The following ERCC6L2 variants were observed in gnomAD, a reference collection of about 807,000 sequenced individuals.
The protein encoded by ERCC6L2 is ERCC excision repair 6 like 2.
In ERCC6L2, 77 loss-of-function variants were observed where a neutral mutation model predicts 132.0. The ratio of observed to expected loss-of-function variants is 0.58; its 90% CI spans 0.49 to 0.71. ERCC6L2 has a LOEUF of 0.71. Ranked by LOEUF, ERCC6L2 falls within the 30% of genes least tolerant of loss-of-function variation. ERCC6L2 has a pLI of 0.00. For synonymous variants in ERCC6L2, 583 were observed against 632.4 expected (o/e 0.92, Z 1.17); for missense variants, 1,542 against 1,837.6 (o/e 0.84, Z 2.94).
At position 95,907,090 on chromosome 9, in the gene ERCC6L2, G is replaced by A. The variant is rs544107263; in HGVS notation, c.607G>A (p.Val203Ile). 3 of 1,599,734 alleles carry A rather than the reference G, an allele frequency of 1.9e-6. No individual in the cohort carries two copies. The highest frequency in any genetic ancestry group is 1.8e-5 in the Admixed American group (1 of 55,498). The part of the protein sequence containing the change: ...SSTAKKMFLI[V>I]APLSVLYNWK... ...ATTCTTGTTTTAGATGTTCTTAATA[G>A]TTGCTCCTCTTTCTGTCCTCTACAA... The change falls in exon 4 of 19, where the codon GTT (valine) becomes ATT (isoleucine). Residue 203 changes from valine to isoleucine, a missense_variant. Coordinates refer to ENST00000653738, the MANE Select transcript of ERCC6L2 (RefSeq NM_020207.7).
intron 19 of ERCC6L2, among the ~76,000 whole-genome samples, chr9:96,032,013 G>A (rs566648640): frequency 1.5e-4 from 23 of 152,302 alleles, no homozygotes; most frequent in South Asian, 4.1e-4. Flanking sequence ...TGGGTGGCAC[G>A]TCATGAGTCA....
rs758117204 is a variant in ERCC6L2, at chr9:95,881,345, A to C, written c.471+52A>C. 3.8e-6 allele frequency: 5 copies of C among 1,331,138 alleles called. No homozygotes were observed. In the South Asian group the frequency reaches 8.5e-5, roughly 23 times the overall value. 82.5% of individuals were successfully genotyped at this position (1,331,138 alleles called of 1,614,324 possible). On this transcript the variant is annotated intron_variant, in intron 2 of 18. Transcript: ENST00000653738. ...GTCACTTTACTGTGTACATGAGTGGATACTATATGTAAATCTTTATTTGTA... is the reference window on the plus strand; with the variant it reads ...GTCACTTTACTGTGTACATGAGTGGCTACTATATGTAAATCTTTATTTGTA...
Position 96,012,303 on chromosome 9 carries a change from A to G in ERCC6L2, c.3753A>G (p.Thr1251=), listed in dbSNP as rs764927610. Residue 1251 remains threonine, a synonymous_variant, in exon 19 of 19, where the codon ACA becomes ACG. Coordinates refer to ENST00000653738, the MANE Select transcript of ERCC6L2 (RefSeq NM_020207.7). ...TTGCTAAACATATAACCAATGCCAC[A>G]TCAGAAGAACGACAGAAAATGCTAA... is the stretch of plus-strand genomic sequence containing the variant. ...NEFAKHITNA[T]SEERQKMLRD... 2.7e-5 allele frequency: 37 copies of G among 1,354,130 alleles called. No homozygotes were observed. Among genetic ancestry groups the G allele is most frequent in the Non-Finnish European group, 3.7e-5 (37 of 1,012,116 alleles). The allele number at this position is 1,354,130 out of a possible 1,614,324, so 83.9% of individuals were successfully genotyped here.
chr9:95,948,482 A>G (rs973030090), intron 12 of ERCC6L2, among the ~76,000 whole-genome samples: 5 of 152,288 alleles, frequency 3.3e-5, no homozygotes, highest in South Asian at 2.1e-4. Flanking sequence ...GTCAAACCCC[A>G]TCTCTACTAA....
At chr9:96,038,100 C>T (rs1399129096) in intron 19 of ERCC6L2, among the ~76,000 whole-genome samples, 3 of 151,882 alleles carry the variant, frequency 2.0e-5, no homozygotes, top group African/African-American at 4.8e-5. Flanking sequence ...GTCAGGAGAC[C>T]GTCCCTGAAG....
chr9:96,029,693 C>T (rs1308646611), intron 19 of ERCC6L2, among the ~76,000 whole-genome samples: 1 of 152,232 alleles, frequency 6.6e-6, no homozygotes, highest in Non-Finnish European at 1.5e-5. Flanking sequence ...CTGTTTGGTT[C>T]TCATATTTAT....
chr9:95,953,585 A>C (rs1032618566), intron 12 of ERCC6L2, among the ~76,000 whole-genome samples: 6 of 152,022 alleles, frequency 3.9e-5, no homozygotes, highest in Non-Finnish European at 2.9e-5. Context: ...AAAAAAAAAA[A>C]AAAACAATGA....
chr9:95,966,548 T>G lies in ERCC6L2; in HGVS notation c.1948-14T>G, dbSNP rs753400132. 1 of 1,448,360 alleles carries G rather than the reference T, an allele frequency of 6.9e-7. No homozygotes were observed. The highest frequency in any genetic ancestry group is 2.1e-5 in the Admixed American group (1 of 47,862). The allele number at this position is 1,448,360 out of a possible 1,614,324, so 89.7% of individuals were successfully genotyped here. A position where few individuals can be genotyped will look rare whatever the true frequency, so the allele number is the denominator to read the frequency against. On this transcript the variant is annotated splice_polypyrimidine_tract_variant and intron_variant, in intron 13 of 18. Coordinates refer to ENST00000653738, the MANE Select transcript of ERCC6L2 (RefSeq NM_020207.7). ...CAAACACTTCAAAAATGTCTTGTGTTTTTTCTGTTTTAGCAACTTCACTGT... is the reference window on the plus strand; with the variant it reads ...CAAACACTTCAAAAATGTCTTGTGTGTTTTCTGTTTTAGCAACTTCACTGT...
chr9:96,034,685 G>A (rs690286), intron 19 of ERCC6L2, among the ~76,000 whole-genome samples: 36,672 of 152,080 alleles, frequency 0.24, 5,360 homozygotes, highest in East Asian at 0.37. Flanking sequence ...TGGGAGCCCT[G>A]CCCCTTCTGA....
rs530355116 is a variant in ERCC6L2, at chr9:95,944,898, T to G, written c.1847+3349T>G. Among the ~76,000 whole-genome samples the G allele has an allele frequency of 2.6e-5, 4 of 152,084 alleles. No homozygotes were observed. In the South Asian group the frequency reaches 8.3e-4, roughly 32 times the overall value. ...CACAGAGATCACATCCTTCACAAGG[T>G]AATAAGATATCACAAGGCAAATGGA... On this transcript the variant is annotated intron_variant, in intron 12 of 18. Coordinates refer to ENST00000653738, the MANE Select transcript of ERCC6L2 (RefSeq NM_020207.7).
At chr9:95,976,338 G>C (rs1832670979) in intron 16 of ERCC6L2, among the ~76,000 whole-genome samples, 2 of 152,072 alleles carry the variant, frequency 1.3e-5, no homozygotes, top group African/African-American at 4.8e-5. Flanking sequence ...AGCCCTGGTG[G>C]GTCAGTTTGG....
At chr9:95,896,004 G>T (rs73534633) in intron 2 of ERCC6L2, among the ~76,000 whole-genome samples, 1 of 152,138 alleles carries the variant, frequency 6.6e-6, no homozygotes, top group African/African-American at 2.4e-5. Context: ...GGGATTACAG[G>T]CTGTCATAGC....
intron 18 of ERCC6L2, among the ~76,000 whole-genome samples, chr9:96,010,589 C>G (rs376726216): frequency 1.3e-5 from 2 of 152,138 alleles, no homozygotes; most frequent in South Asian, 2.1e-4. Context: ...TGCACCCTCT[C>G]CCCCTGGGAG....
Position 96,015,091 on chromosome 9 carries a change from T to G in ERCC6L2, c.*1888T>G, listed in dbSNP as rs995635460. On this transcript the variant is annotated 3_prime_UTR_variant, in exon 19 of 19. Transcript: ENST00000653738. Reference sequence around the variant, plus strand: ...AGGCTGGAGTACAGTGGCATGATCTTGGCTCACTGCAACCTCCACCTCCCT... The same window carrying G: ...AGGCTGGAGTACAGTGGCATGATCTGGGCTCACTGCAACCTCCACCTCCCT... Among the ~76,000 whole-genome samples the G allele has an allele frequency of 1.4e-5, 2 of 143,066 alleles. No homozygotes were observed. Among genetic ancestry groups the G allele is most frequent in the African/African-American group, 5.2e-5 (2 of 38,136 alleles). 93.9% of individuals were successfully genotyped at this position (143,066 alleles called of 152,430 possible).
At chr9:96,034,907 C>A (rs1478207556) in intron 19 of ERCC6L2, among the ~76,000 whole-genome samples, 2 of 150,396 alleles carry the variant, frequency 1.3e-5, no homozygotes, top group Admixed American at 1.3e-4. Flanking sequence ...CCTGGGCCAC[C>A]CACTCCATGG....
Position 95,875,846 on chromosome 9 carries a change from G to T in ERCC6L2, c.-193G>T. 1 of 597,746 alleles carries T rather than the reference G, an allele frequency of 1.7e-6. No homozygotes were observed. Among genetic ancestry groups the T allele is most frequent in the African/African-American group, 1.9e-5 (1 of 53,962 alleles). 37.0% of individuals were successfully genotyped at this position (597,746 alleles called of 1,614,324 possible). A position where few individuals can be genotyped will look rare whatever the true frequency, so the allele number is the denominator to read the frequency against. ...CGGACGTCGCCCTCCCGTTCTGCTT[G>T]GGTCCCCTTAGTCGCTACCTTTGCT... On this transcript the variant is annotated 5_prime_UTR_variant, in exon 1 of 19. Transcript: ENST00000653738.
At chr9:95,999,722 C>G (rs1833592839) in intron 17 of ERCC6L2, among the ~76,000 whole-genome samples, 1 of 151,700 alleles carries the variant, frequency 6.6e-6, no homozygotes, top group Non-Finnish European at 1.5e-5. Context: ...GCAATACCAT[C>G]TCATCTCATA....
intron 11 of ERCC6L2, among the ~76,000 whole-genome samples, chr9:95,936,870 TC>T (rs1421460398): frequency 1.3e-5 from 2 of 152,152 alleles, no homozygotes; most frequent in Non-Finnish European, 2.9e-5. Context: ...GTAAAGGGAG[TC>T]ATAAAGTATG....
At position 95,955,905 on chromosome 9, in the gene ERCC6L2, CT is replaced by C; in HGVS notation, c.1848-5del. On this transcript the variant is annotated splice_region_variant and splice_polypyrimidine_tract_variant and intron_variant, in intron 12 of 18. Coordinates refer to ENST00000653738, the MANE Select transcript of ERCC6L2 (RefSeq NM_020207.7). ...TTGATTTTTGTTTGTATTTTTAATC[CT>C]TTTACAGAGCATATAGGATTGGACA... is the stretch of plus-strand genomic sequence containing the variant. 1 of 1,534,660 alleles carries C rather than the reference CT, an allele frequency of 6.5e-7. No individual in the cohort carries two copies. Among genetic ancestry groups the C allele is most frequent in the Non-Finnish European group, 8.8e-7 (1 of 1,138,820 alleles).
Sources: gnomAD v4.1 joint callset for allele counts (sites outside exome capture counted in the v4.1 genomes callset) on GRCh38, gnomAD v4.1.1 for gene constraint, MANE v1.5 for transcripts, NCBI Gene and HGNC (gene_info 2026-07-23, HGNC 2026-07-21) for gene names.